The following SPON1 variants were observed in gnomAD, a reference collection of about 807,000 sequenced individuals.
The protein encoded by SPON1 is spondin-1.
In SPON1, 52 loss-of-function variants were observed where a neutral mutation model predicts 111.7. That is an observed-to-expected ratio of 0.47 (90% CI 0.37 to 0.59). The LOEUF (loss-of-function observed/expected upper bound fraction) is 0.59. Ranked by LOEUF, SPON1 falls within the 20% of genes least tolerant of loss-of-function variation. The pLI is 0.00. For missense variants in SPON1, 957 were observed against 1,068.5 expected (o/e 0.90, Z 1.46); for synonymous variants, 410 against 395.8 (o/e 1.04, Z -0.43).
Position 14,266,019 on chromosome 11 carries a change from G to A in SPON1, c.*332G>A. 1 of 213,448 alleles carries A rather than the reference G, an allele frequency of 4.7e-6. No individual in the cohort carries two copies. The highest frequency in any genetic ancestry group is 9.5e-6 in the Non-Finnish European group (1 of 105,416). 13.2% of individuals were successfully genotyped at this position (213,448 alleles called of 1,614,324 possible). ...CTACTCCACATGGAGAGGCAACCAT[G>A]TCTGGAAGTGACTATGCCTGAGTCC... is the stretch of plus-strand genomic sequence containing the variant. On this transcript the variant is annotated 3_prime_UTR_variant, in exon 16 of 16. Coordinates refer to ENST00000576479, the MANE Select transcript of SPON1 (RefSeq NM_006108.4).
At position 14,113,748 on chromosome 11, in the gene SPON1, G is replaced by A. The variant is rs1213688459; in HGVS notation, c.677-21672G>A. On this transcript the variant is annotated intron_variant, in intron 5 of 15. Transcript: ENST00000576479. ...CTCCCGCGTAGCTGGGACTACAGGC[G>A]CCCGCCACCACGCCCGGCTAATTTT... is the stretch of plus-strand genomic sequence containing the variant. Among the ~76,000 whole-genome samples, 25 of 151,338 alleles carry A rather than the reference G, an allele frequency of 1.7e-4. No homozygotes were observed. In the South Asian group the frequency reaches 1.7e-3, roughly 10 times the overall value.
Position 14,139,808 on chromosome 11 carries a change from C to T in SPON1, c.825+4240C>T, listed in dbSNP as rs115446263. ...AGGGGCCTGTTTTAGATAAACCGGT[C>T]AGGGAAAGTCTCCCTAACAAATGAC... On this transcript the variant is annotated intron_variant, in intron 6 of 15. Transcript: ENST00000576479. Among the ~76,000 whole-genome samples the T allele has an allele frequency of 5.3e-3, 807 of 151,834 alleles. 10 individuals are homozygous for T. The highest frequency in any genetic ancestry group is 0.019 in the African/African-American group (769 of 41,354).
At position 14,178,045 on chromosome 11, in the gene SPON1, A is replaced by AACAC. The variant is rs5789825; in HGVS notation, c.825+42504_825+42507dup. ...CTCACTGTTGTAAAACACACACACA[A>AACAC]ACACACACACACACACACACACACA... On this transcript the variant is annotated intron_variant, in intron 6 of 15. Coordinates refer to ENST00000576479, the MANE Select transcript of SPON1 (RefSeq NM_006108.4). Among the ~76,000 whole-genome samples the AACAC allele has an allele frequency of 4.0e-3, 577 of 142,704 alleles. 6 individuals are homozygous for AACAC. The highest frequency in any genetic ancestry group is 0.012 in the African/African-American group (470 of 39,336). 93.6% of individuals were successfully genotyped at this position (142,704 alleles called of 152,430 possible).
intron 3 of SPON1, among the ~76,000 whole-genome samples, chr11:14,073,810 C>T (rs1848896018): frequency 6.6e-6 from 1 of 152,200 alleles, no homozygotes. Context: ...TGTCCTGGAA[C>T]CTCCCTCAGG....
chr11:14,093,808 A>G (rs1554923628), intron 5 of SPON1, among the ~76,000 whole-genome samples: 1 of 152,088 alleles, frequency 6.6e-6, no homozygotes, highest in African/African-American at 2.4e-5. Flanking sequence ...TTTGCATTTG[A>G]TTTTGTCTTC....
At chr11:14,235,610 G>A (rs1554939132) in intron 6 of SPON1, among the ~76,000 whole-genome samples, 1 of 143,666 alleles carries the variant, frequency 7.0e-6, no homozygotes, top group Non-Finnish European at 1.5e-5. Context: ...AGCCCAGGAG[G>A]TCATTCTACA....
intron 7 of SPON1, among the ~76,000 whole-genome samples, chr11:14,247,292 C>A (rs1055374602): frequency 1.3e-5 from 2 of 152,154 alleles, no homozygotes; most frequent in East Asian, 1.9e-4. Flanking sequence ...TGCCTGTGGT[C>A]TCAGCTACCT....
In SPON1 at chr11:14,160,778, AT is replaced by A. The variant is rs1229989371; in HGVS notation, c.825+25215del. The stretch of plus-strand genomic sequence containing the variant: ...TATATATATTTATATATTTATATAT[AT>A]TTTTATATATATTTATATATTTTTA... On this transcript the variant is annotated intron_variant, in intron 6 of 15. Coordinates refer to ENST00000576479, the MANE Select transcript of SPON1 (RefSeq NM_006108.4). 1.2e-3 allele frequency among the ~76,000 whole-genome samples: 54 copies of A among 46,040 alleles called. 14 individuals are homozygous for A. The highest frequency in any genetic ancestry group is 0.059 in the Middle Eastern group (2 of 34). 30.2% of individuals were successfully genotyped at this position (46,040 alleles called of 152,430 possible).
intron 3 of SPON1, among the ~76,000 whole-genome samples, chr11:14,050,720 A>G (rs189615783): frequency 6.6e-6 from 1 of 152,280 alleles, no homozygotes; most frequent in Admixed American, 6.5e-5. Context: ...ACTGCAGGCC[A>G]CTGGTGTTTG....
intron 6 of SPON1, among the ~76,000 whole-genome samples, chr11:14,149,451 GT>G (rs1847762843): frequency 6.6e-6 from 1 of 152,124 alleles, no homozygotes; most frequent in Non-Finnish European, 1.5e-5. Flanking sequence ...AGTGTATAAA[GT>G]AAAAAGTTAG....
At chr11:14,216,402 T>A (rs969890802) in intron 6 of SPON1, among the ~76,000 whole-genome samples, 1 of 152,020 alleles carries the variant, frequency 6.6e-6, no homozygotes, top group African/African-American at 2.4e-5. Flanking sequence ...CCATGAGGAG[T>A]AGCTGCCTAT....
chr11:13,973,951 C>A (rs1463324936), intron 1 of SPON1, among the ~76,000 whole-genome samples: 1 of 152,180 alleles, frequency 6.6e-6, no homozygotes, highest in Admixed American at 6.5e-5. Context: ...CCTGGGGATG[C>A]TGAGAGCACT....
intron 6 of SPON1, among the ~76,000 whole-genome samples, chr11:14,192,410 G>C (rs1470389465): frequency 1.3e-5 from 2 of 152,064 alleles, no homozygotes; most frequent in Non-Finnish European, 2.9e-5. Context: ...GTCATTTGTA[G>C]CTTTGACATT....
At position 14,255,794 on chromosome 11, in the gene SPON1, G is replaced by A. The variant is rs1849100478; in HGVS notation, c.1233+7G>A. 6.2e-7 allele frequency: 1 copy of A among 1,612,824 alleles called. No individual in the cohort carries two copies. Among genetic ancestry groups the A allele is most frequent in the East Asian group, 2.2e-5 (1 of 44,812 alleles). On this transcript the variant is annotated splice_region_variant and intron_variant, in intron 9 of 15. Coordinates refer to ENST00000576479, the MANE Select transcript of SPON1 (RefSeq NM_006108.4). Reference sequence around the variant, plus strand: ...CGAGAGAATCGCACGGAAGGTACTGGGTTAGAACCCACTCTGGCATCGACC... The same window carrying A: ...CGAGAGAATCGCACGGAAGGTACTGAGTTAGAACCCACTCTGGCATCGACC...
chr11:14,000,425 T>G (rs1466754914), intron 2 of SPON1, among the ~76,000 whole-genome samples: 3 of 152,218 alleles, frequency 2.0e-5, no homozygotes, highest in Non-Finnish European at 4.4e-5. Context: ...GATTGCTTAT[T>G]AGCTATTACC....
At position 14,267,663 on chromosome 11, in the gene SPON1, T is replaced by A. The variant is rs1016380741; in HGVS notation, c.*1976T>A. 6.6e-6 allele frequency: 1 copy of A among 152,244 alleles called. No homozygotes were observed. The highest frequency in any genetic ancestry group is 1.5e-5 in the Non-Finnish European group (1 of 68,038). 9.4% of individuals were successfully genotyped at this position (152,244 alleles called of 1,614,324 possible). ...GGTTAATGGCTAAGAATGGGTAACA[T>A]GACTCTTGTTGGATTGTTATTTTTT... On this transcript the variant is annotated 3_prime_UTR_variant, in exon 16 of 16. Coordinates refer to ENST00000576479, the MANE Select transcript of SPON1 (RefSeq NM_006108.4).
At chr11:14,012,302 A>C (rs1848411492) in intron 2 of SPON1, among the ~76,000 whole-genome samples, 5 of 151,944 alleles carry the variant, frequency 3.3e-5, no homozygotes, top group African/African-American at 1.2e-4. Flanking sequence ...CCTAACACCC[A>C]CCCTAACCTT....
At chr11:14,159,829 A>T (rs1847889774) in intron 6 of SPON1, among the ~76,000 whole-genome samples, 1 of 150,040 alleles carries the variant, frequency 6.7e-6, no homozygotes, top group Non-Finnish European at 1.5e-5. Context: ...GAGATCTAAA[A>T]ATCAAAACAA....
intron 2 of SPON1, among the ~76,000 whole-genome samples, chr11:14,006,251 A>G (rs1554913110): frequency 1.3e-5 from 2 of 152,136 alleles, no homozygotes; most frequent in East Asian, 1.9e-4. Context: ...GTTTGGGACT[A>G]TGGGCTTTAT....
Sources: gnomAD v4.1 joint callset for allele counts (sites outside exome capture counted in the v4.1 genomes callset) on GRCh38, gnomAD v4.1.1 for gene constraint, MANE v1.5 for transcripts, NCBI Gene and HGNC (gene_info 2026-07-23, HGNC 2026-07-21) for gene names.